The following GABRB1 variants were observed in gnomAD, a reference collection of about 807,000 sequenced individuals.
The protein encoded by GABRB1 is gamma-aminobutyric acid type A receptor subunit beta1.
GABRB1 carries 17 observed loss-of-function variants against 51.6 expected under a neutral mutation model. The ratio of observed to expected loss-of-function variants is 0.33; its 90% CI spans 0.23 to 0.49. The LOEUF (loss-of-function observed/expected upper bound fraction) is 0.49, where lower values mean the gene tolerates loss of function less well. GABRB1 is among the 20% of genes least tolerant of loss of function. The pLI is 0.99. For missense variants in GABRB1, 410 were observed against 600.6 expected, an observed-to-expected ratio of 0.68 and a Z score of 3.32; for synonymous variants, 247 against 218.9, an observed-to-expected ratio of 1.13 and a Z score of -1.14.
Position 47,032,439 on chromosome 4 carries a change from G to A in GABRB1, c.195G>A (p.Met65Ile). The A allele has an allele frequency of 6.3e-7, 1 of 1,598,094 alleles. No homozygotes were observed. The change falls in exon 3 of 9, where the codon ATG (methionine) becomes ATA (isoleucine). Residue 65 changes from methionine to isoleucine, a missense_variant. Met to Ile is a conservative substitution (Grantham distance 10). This residue lies in a region of GABRB1 where 100 missense variants were observed against 184.3 expected (regional missense o/e 0.54). Transcript: ENST00000295454. ...CAGGGCCCCCCGTCGACGTTGGGAT[G>A]CGGATCGATGTCGCCAGCATAGACA... ...DFGGPPVDVG[M>I]RIDVASIDMV...
In GABRB1 at chr4:47,014,929, C is replaced by T. The variant is rs145048693; in HGVS notation, c.-19-16985C>T. On this transcript the variant is annotated intron_variant, in intron 1 of 3. Coordinates refer to the GABRB1 transcript ENST00000513567. Reference sequence around the variant, plus strand: ...TTATTTATTTATTTATTTATTGAGACGGAGTCTCGCCCTGCCTTGCAGACT... The same window carrying T: ...TTATTTATTTATTTATTTATTGAGATGGAGTCTCGCCCTGCCTTGCAGACT... 5.2e-3 allele frequency among the ~76,000 whole-genome samples: 785 copies of T among 152,030 alleles called. 6 individuals are homozygous for T. Among genetic ancestry groups the T allele is most frequent in the African/African-American group, 0.018 (742 of 41,448 alleles).
intron 5 of GABRB1, among the ~76,000 whole-genome samples, chr4:47,387,251 C>G (rs142356582): frequency 6.6e-6 from 1 of 152,292 alleles, no homozygotes; most frequent in African/African-American, 2.4e-5. Context: ...CACCTGAGGT[C>G]AGAATTCAAG....
At chr4:47,214,254 A>G (rs1274292085) in intron 4 of GABRB1, among the ~76,000 whole-genome samples, 2 of 152,164 alleles carry the variant, frequency 1.3e-5, no homozygotes, top group Non-Finnish European at 2.9e-5. Context: ...AATGTTTACC[A>G]CGGGTGGTGG....
chr4:47,102,644 A>G (rs570372487), intron 3 of GABRB1, among the ~76,000 whole-genome samples: 4 of 151,954 alleles, frequency 2.6e-5, no homozygotes, highest in African/African-American at 7.2e-5. Context: ...AGGGATGAGC[A>G]AGTCAATGTC....
intron 1 of GABRB1, among the ~76,000 whole-genome samples, chr4:47,021,678 G>A (rs1224868805): frequency 1.3e-5 from 2 of 151,848 alleles, no homozygotes; most frequent in South Asian, 2.1e-4. Context: ...TCTATCCTGT[G>A]TCTTTTCTTT....
intron 5 of GABRB1, among the ~76,000 whole-genome samples, chr4:47,400,235 C>G (rs796343090): frequency 3.9e-5 from 6 of 152,110 alleles, no homozygotes; most frequent in African/African-American, 1.4e-4. Context: ...TAAAAAGTTG[C>G]CTGTGCTGTA....
chr4:47,047,636 T>C (rs184464790), intron 3 of GABRB1, among the ~76,000 whole-genome samples: 2 of 152,238 alleles, frequency 1.3e-5, no homozygotes, highest in African/African-American at 4.8e-5. Flanking sequence ...ATACTAGAAA[T>C]TGGGTCCTAG....
chr4:47,404,275 C>T (rs1236491819), intron 7 of GABRB1, among the ~76,000 whole-genome samples: 1 of 152,054 alleles, frequency 6.6e-6, no homozygotes, highest in African/African-American at 2.4e-5. Context: ...AAAATGATTT[C>T]CTTCTTGGGG....
chr4:47,297,298 C>CA (rs1299963981), intron 4 of GABRB1, among the ~76,000 whole-genome samples: 5 of 106,468 alleles, frequency 4.7e-5, no homozygotes, highest in Admixed American at 9.6e-5. Flanking sequence ...AAAAACCCTT[C>CA]AAAAAATTAA....
At chr4:47,246,617 G>C (rs1234590301) in intron 4 of GABRB1, among the ~76,000 whole-genome samples, 1 of 151,268 alleles carries the variant, frequency 6.6e-6, no homozygotes, top group Non-Finnish European at 1.5e-5. Context: ...GTTTTCCACA[G>C]TGGTTGTACT....
intron 1 of GABRB1, among the ~76,000 whole-genome samples, chr4:47,009,785 T>C (rs1328289961): frequency 6.6e-6 from 1 of 152,230 alleles, no homozygotes; most frequent in African/African-American, 2.4e-5. Flanking sequence ...ACATTATGTA[T>C]TGACCACTGA....
chr4:47,224,237 G>A (rs1028350785), intron 4 of GABRB1, among the ~76,000 whole-genome samples: 1 of 150,050 alleles, frequency 6.7e-6, no homozygotes, highest in African/African-American at 2.4e-5. Context: ...AGACTCAAAT[G>A]TCCATTCTTC....
chr4:47,364,949 T>C (rs1726926138), intron 5 of GABRB1, among the ~76,000 whole-genome samples: 1 of 151,948 alleles, frequency 6.6e-6, no homozygotes, highest in Non-Finnish European at 1.5e-5. Flanking sequence ...AGGAAAAAAT[T>C]AAATAATCAA....
At chr4:47,376,539 TG>T (rs977689531) in intron 5 of GABRB1, among the ~76,000 whole-genome samples, 20 of 151,920 alleles carry the variant, frequency 1.3e-4, no homozygotes, top group African/African-American at 4.6e-4. Context: ...CCCAGCTACT[TG>T]GGGGGCTGAG....
intron 5 of GABRB1, among the ~76,000 whole-genome samples, chr4:47,362,432 A>G (rs1726841643): frequency 1.3e-5 from 2 of 152,176 alleles, no homozygotes; most frequent in Non-Finnish European, 2.9e-5. Context: ...ATCTGTAATG[A>G]GAGTATCTCA....
chr4:47,334,535 T>C (rs1725622340), intron 5 of GABRB1, among the ~76,000 whole-genome samples: 1 of 152,208 alleles, frequency 6.6e-6, no homozygotes, highest in Non-Finnish European at 1.5e-5. Flanking sequence ...GTATCATTAA[T>C]ACTCCTAAAC....
At chr4:47,074,985 G>A (rs967093455) in intron 3 of GABRB1, among the ~76,000 whole-genome samples, 1 of 152,146 alleles carries the variant, frequency 6.6e-6, no homozygotes, top group Non-Finnish European at 1.5e-5. Flanking sequence ...GGTATGATGA[G>A]GAAGAGCTGC....
chr4:47,408,049 G>A (rs888724869), intron 8 of GABRB1, among the ~76,000 whole-genome samples: 2 of 152,310 alleles, frequency 1.3e-5, no homozygotes, highest in Admixed American at 6.5e-5. Flanking sequence ...CAGAGATTGC[G>A]CCACTGCACC....
chr4:47,172,540 C>G (rs1488733935), intron 4 of GABRB1, among the ~76,000 whole-genome samples: 2 of 151,404 alleles, frequency 1.3e-5, no homozygotes, highest in Admixed American at 1.3e-4. Context: ...TTTGGCCTTT[C>G]CAGCACATGC....
Sources: allele counts gnomAD v4.1 joint callset (sites outside exome capture counted in the v4.1 genomes callset), GRCh38; gene constraint gnomAD v4.1.1; regional missense constraint gnomAD v4.1.1; transcripts MANE v1.5; gene names NCBI Gene and HGNC (gene_info 2026-07-23, HGNC 2026-07-21).